Variants in GLI3 observed in about 807,000 individuals in gnomAD.
GLI3 encodes transcription activator GLI3.
GLI3 carries 20 observed loss-of-function variants against 100.8 expected under a neutral mutation model. The observed-to-expected ratio is 0.20, with a 90% CI of 0.14 to 0.29. GLI3 has a LOEUF of 0.29. GLI3 is among the 10% of genes least tolerant of loss of function. GLI3 has a pLI of 1.00. For missense variants in GLI3, 2,040 were observed against 2,128.5 expected (o/e 0.96, Z 0.82); for synonymous variants, 938 against 860.5 (o/e 1.09, Z -1.58).
chr7:42,223,928 T>C (rs779583573), intron 1 of GLI3, among the ~76,000 whole-genome samples: 2 of 152,236 alleles, frequency 1.3e-5, no homozygotes, highest in Non-Finnish European at 2.9e-5. Context: ...TTTCAGTTCA[T>C]TTAAGTTACA....
At chr7:42,246,772 C>T (rs1006363944) in intron 1 of GLI3, among the ~76,000 whole-genome samples, 8 of 139,660 alleles carry the variant, frequency 5.7e-5, no homozygotes, top group Non-Finnish European at 1.2e-4. Context: ...ATGTTTAGTC[C>T]TTGGGAGTTA....
At chr7:42,193,495 T>C (rs1235883147) in intron 2 of GLI3, among the ~76,000 whole-genome samples, 1 of 152,164 alleles carries the variant, frequency 6.6e-6, no homozygotes, top group Non-Finnish European at 1.5e-5. Context: ...TCAGGAATTC[T>C]ATTGGTAGCA....
At chr7:42,046,933 A>T (rs900457906) in intron 5 of GLI3, among the ~76,000 whole-genome samples, 2 of 152,172 alleles carry the variant, frequency 1.3e-5, no homozygotes, top group Admixed American at 1.3e-4. Flanking sequence ...AGGTGGGTAG[A>T]TCGCTTGAGC....
chr7:42,016,097 A>C (rs563190420), intron 10 of GLI3, among the ~76,000 whole-genome samples: 1 of 152,112 alleles, frequency 6.6e-6, no homozygotes, highest in Admixed American at 6.5e-5. Context: ...GCTGCTTAAC[A>C]CCCTACAATG....
chr7:42,258,550 C>G (rs1461116187), intron 1 of GLI3, among the ~76,000 whole-genome samples: 1 of 152,194 alleles, frequency 6.6e-6, no homozygotes, highest in South Asian at 2.1e-4. Context: ...CACCATAACT[C>G]TCTTCTTCCA....
chr7:42,020,433 G>T (rs1788903506), intron 10 of GLI3, among the ~76,000 whole-genome samples: 1 of 152,144 alleles, frequency 6.6e-6, no homozygotes, highest in Non-Finnish European at 1.5e-5. Context: ...TATAGATAGT[G>T]ACTTGCTTTA....
At chr7:42,179,559 G>A (rs1787549687) in intron 2 of GLI3, among the ~76,000 whole-genome samples, 1 of 152,154 alleles carries the variant, frequency 6.6e-6, no homozygotes, top group South Asian at 2.1e-4. Context: ...GGAAACTGAG[G>A]GCTGTTGGTG....
Position 41,964,998 on chromosome 7 carries a change from C to T in GLI3, c.4075G>A (p.Gly1359Arg), listed in dbSNP as rs773475774. 7 of 1,613,752 alleles carry T rather than the reference C, an allele frequency of 4.3e-6. No homozygotes were observed. The highest frequency in any genetic ancestry group is 5.9e-6 in the Non-Finnish European group (7 of 1,180,044). ...GCCCCTGGCAGGCAGCTCTCTGGCCCTTGGTAGATGTTGATGTGTGAGGTA... is the reference window on the plus strand; with the variant it reads ...GCCCCTGGCAGGCAGCTCTCTGGCCTTTGGTAGATGTTGATGTGTGAGGTA... Reference protein sequence around the residue: ...SATSHINIYQGPESCLPGAHG... With the variant: ...SATSHINIYQRPESCLPGAHG... The change falls in exon 15 of 15, where the codon GGG becomes AGG. Residue 1359 changes from glycine (G) to arginine (R), a missense_variant. By Grantham distance (125) the Gly-to-Arg change is moderately radical. Transcript: ENST00000395925.
At chr7:42,022,902 A>C (rs1796693699) in intron 10 of GLI3, among the ~76,000 whole-genome samples, 1 of 152,226 alleles carries the variant, frequency 6.6e-6, no homozygotes, top group South Asian at 2.1e-4. Context: ...TTTCCAAAAC[A>C]TCCATCACTA....
At chr7:41,982,276 AG>A (rs1310423719) in intron 10 of GLI3, among the ~76,000 whole-genome samples, 1 of 152,206 alleles carries the variant, frequency 6.6e-6, no homozygotes, top group East Asian at 1.9e-4. Flanking sequence ...ATAAGGAAAA[AG>A]GGAGGCATCT....
intron 3 of GLI3, among the ~76,000 whole-genome samples, chr7:42,128,194 G>A (rs80239227): frequency 0.011 from 1,741 of 152,126 alleles, 28 homozygotes; most frequent in African/African-American, 0.039. Context: ...TAATAAGGGA[G>A]CACTCAATTT....
At chr7:42,005,933 A>G (rs1189107716) in intron 10 of GLI3, among the ~76,000 whole-genome samples, 1 of 152,112 alleles carries the variant, frequency 6.6e-6, no homozygotes, top group Non-Finnish European at 1.5e-5. Flanking sequence ...TATTCTCTAG[A>G]AATAGTCCCA....
intron 3 of GLI3, among the ~76,000 whole-genome samples, chr7:42,085,335 T>A (rs1267442388): frequency 6.6e-6 from 1 of 152,152 alleles, no homozygotes. Flanking sequence ...CAAAAAGAGC[T>A]TTCAGTGTTG....
At chr7:42,184,577 T>C (rs919638336) in intron 2 of GLI3, among the ~76,000 whole-genome samples, 4 of 152,120 alleles carry the variant, frequency 2.6e-5, no homozygotes, top group Admixed American at 2.6e-4. Flanking sequence ...AAAAGCACAA[T>C]AAATGTGAAT....
intron 5 of GLI3, among the ~76,000 whole-genome samples, chr7:42,047,660 A>G (rs965788747): frequency 1.3e-5 from 2 of 152,244 alleles, no homozygotes; most frequent in African/African-American, 2.4e-5. Context: ...CACAGCTCCA[A>G]TTAAGAAGAG....
intron 10 of GLI3, among the ~76,000 whole-genome samples, chr7:41,982,666 C>A (rs1787705603): frequency 6.9e-6 from 1 of 145,538 alleles, no homozygotes; most frequent in African/African-American, 2.6e-5. Flanking sequence ...TGCACTACTG[C>A]ACTCCAGCCT....
chr7:42,181,848 A>T (rs1317345620), intron 2 of GLI3, among the ~76,000 whole-genome samples: 1 of 152,200 alleles, frequency 6.6e-6, no homozygotes, highest in Non-Finnish European at 1.5e-5. Flanking sequence ...AACATCAAGC[A>T]CTAACTAGCT....
chr7:42,172,165 G>A (rs1787386470), intron 2 of GLI3, among the ~76,000 whole-genome samples: 1 of 152,008 alleles, frequency 6.6e-6, no homozygotes, highest in Non-Finnish European at 1.5e-5. Context: ...TCTGTACGTA[G>A]GCCCGTTATC....
intron 3 of GLI3, among the ~76,000 whole-genome samples, chr7:42,093,887 A>G (rs1785281156): frequency 6.6e-6 from 1 of 152,154 alleles, no homozygotes; most frequent in African/African-American, 2.4e-5. Flanking sequence ...GAAAATCAGG[A>G]AAGGGCCACA....
Sources: gnomAD v4.1 joint callset for allele counts (sites outside exome capture counted in the v4.1 genomes callset) on GRCh38, gnomAD v4.1.1 for gene constraint, MANE v1.5 for transcripts, NCBI Gene and HGNC (gene_info 2026-07-23, HGNC 2026-07-21) for gene names.